Variants in ANK1 observed in about 807,000 individuals in gnomAD.
ANK1 encodes the protein ankyrin 1.
A neutral mutation model predicts 210.4 loss-of-function variants in ANK1; 51 were observed. The ratio of observed to expected loss-of-function variants is 0.24; its 90% CI spans 0.19 to 0.31. The LOEUF (loss-of-function observed/expected upper bound fraction) is 0.31, where lower values mean the gene tolerates loss of function less well. Among genes scored for constraint, ANK1 ranks in the 10% least tolerant of loss-of-function variants. The probability of loss-of-function intolerance (pLI) is 1.00; values close to 1 mark genes in which losing one functional copy is unlikely to be tolerated. For synonymous variants in ANK1, 967 were observed against 1,025.9 expected (o/e 0.94, Z 1.10); for missense variants, 2,051 against 2,504.4 (o/e 0.82, Z 3.86).
chr8:41,835,029 A>G (rs1447331725), intron 1 of ANK1, among the ~76,000 whole-genome samples: 1 of 152,262 alleles, frequency 6.6e-6, no homozygotes, highest in African/African-American at 2.4e-5. Context: ...AGGCTTCCCT[A>G]CAACTCACTG....
intron 1 of ANK1, among the ~76,000 whole-genome samples, chr8:41,803,981 AT>A (rs1271475058): frequency 6.6e-6 from 1 of 152,148 alleles, no homozygotes; most frequent in African/African-American, 2.4e-5. Context: ...GGTTATTTTA[AT>A]TTGCTACTGC....
rs139999555 is a variant in ANK1 at position 41,804,646 on chromosome 8, A to G, written c.127-46509T>C. ...GGTAACTATGGGAGGGAGATTACTG[A>G]TTTACTTTATTTCATGTTAAATGTT... On this transcript the variant is annotated intron_variant, in intron 1 of 42. Transcript: ENST00000265709. Among the ~76,000 whole-genome samples the G allele has an allele frequency of 2.6e-3, 396 of 152,210 alleles. 2 individuals are homozygous for G. The highest frequency in any genetic ancestry group is 9.0e-3 in the African/African-American group (376 of 41,550).
intron 26 of ANK1, 127 bp downstream of exon 26, chr8:41,696,236 T>C (rs1820895831): frequency 9.5e-7 from 1 of 1,049,968 alleles, no homozygotes; most frequent in Middle Eastern, 2.9e-4. Flanking sequence ...GACACCTTCG[T>C]GTGTCAGGAA....
Position 41,762,520 on chromosome 8 carries a change from C to T in ANK1, c.28-4383G>A, listed in dbSNP as rs553208116. ...CCAAAGCATTAAGTGTCTGCTAGGG[C>T]GAGGCCTCCCTTGACCTAAAGCACA... On this transcript the variant is annotated intron_variant, in intron 1 of 42. Coordinates refer to ENST00000289734, the MANE Select transcript of ANK1 (RefSeq NM_000037.4). Among the ~76,000 whole-genome samples the T allele has an allele frequency of 1.3e-4, 20 of 152,224 alleles. No individual in the cohort carries two copies. In the South Asian group the frequency reaches 4.1e-3, roughly 32 times the overall value.
intron 1 of ANK1, among the ~76,000 whole-genome samples, chr8:41,857,882 C>T (rs533536819): frequency 6.0e-5 from 9 of 150,172 alleles, no homozygotes; most frequent in East Asian, 4.0e-4. Context: ...CCAGCCTGGG[C>T]GACAGAGTGA....
chr8:41,736,852 A>G (rs1416844875), intron 2 of ANK1, among the ~76,000 whole-genome samples: 1 of 152,122 alleles, frequency 6.6e-6, no homozygotes. Context: ...AGGTCCCTGA[A>G]CTCCACCCTT....
At chr8:41,867,610 G>A (rs945341486) in intron 1 of ANK1, among the ~76,000 whole-genome samples, 4 of 151,934 alleles carry the variant, frequency 2.6e-5, no homozygotes, top group Middle Eastern at 3.4e-3. Context: ...CCTTCCACCC[G>A]GCAGCACCCA....
chr8:41,890,374 A>C (rs1819179708), intron 1 of ANK1, among the ~76,000 whole-genome samples: 1 of 152,236 alleles, frequency 6.6e-6, no homozygotes, highest in African/African-American at 2.4e-5. Context: ...AAATGGAGAT[A>C]GAGAGCCAGG....
chr8:41,755,484 C>T (rs1042519091), intron 2 of ANK1, among the ~76,000 whole-genome samples: 4 of 152,206 alleles, frequency 2.6e-5, no homozygotes, highest in South Asian at 2.1e-4. Flanking sequence ...AACTGCACTG[C>T]GGAGAAACAC....
chr8:41,758,197 G>T, intron 1 of ANK1, 60 bp from the exon 2 acceptor site: 3 of 1,478,276 alleles, frequency 2.0e-6, no homozygotes, highest in Non-Finnish European at 2.8e-6. Flanking sequence ...TCTCCACCCC[G>T]TTCAAGTCCC....
At chr8:41,701,528 G>A (rs894346799) in intron 22 of ANK1, 22 bp downstream of exon 22, 5 of 1,613,066 alleles carry the variant, frequency 3.1e-6, no homozygotes, top group Non-Finnish European at 4.2e-6. Flanking sequence ...CCACCAGCCT[G>A]AGCTCTTTAC....
intron 14 of ANK1, 145 bp downstream of exon 14, chr8:41,715,507 G>A: frequency 1.9e-6 from 2 of 1,051,086 alleles, no homozygotes; most frequent in Admixed American, 4.0e-5. Flanking sequence ...TGCAGGTGGT[G>A]GCCAGCCCTG....
Position 41,878,305 on chromosome 8 carries a change from C to T in ANK1, c.126+18050G>A, listed in dbSNP as rs189310692. On this transcript the variant is annotated intron_variant, in intron 1 of 42. Coordinates refer to the ANK1 transcript ENST00000265709. ...CCACCCTGGGCAGGGGACGATCACA[C>T]CCCTACATCTTCAAGCTCACCTCTG... 6.4e-4 allele frequency among the ~76,000 whole-genome samples: 97 copies of T among 152,272 alleles called. 1 individual carries two copies. The highest frequency in any genetic ancestry group is 2.3e-3 in the African/African-American group (97 of 41,546).
chr8:41,704,346 A>G lies in ANK1; in HGVS notation c.2196+28T>C. The G allele has an allele frequency of 1.3e-6, 2 of 1,598,686 alleles. No homozygotes were observed. Among genetic ancestry groups the G allele is most frequent in the African/African-American group, 1.3e-5 (1 of 74,640 alleles). Reference sequence around the variant, plus strand: ...ATGTGGCATGGAGAAGGGTCAGTGCAGGAGTCGGGGCTGGGGCACCCCTGT... The same window carrying G: ...ATGTGGCATGGAGAAGGGTCAGTGCGGGAGTCGGGGCTGGGGCACCCCTGT... On this transcript the variant is annotated intron_variant, in intron 19 of 42. Coordinates refer to ENST00000289734, the MANE Select transcript of ANK1 (RefSeq NM_000037.4). This position sits in a 1 kb window ranked among gnomAD's most constrained non-coding sequence, Gnocchi z 4.1.
At chr8:41,755,684 C>T (rs13273072) in intron 2 of ANK1, among the ~76,000 whole-genome samples, 15,692 of 152,224 alleles carry the variant, frequency 0.1, 925 homozygotes, top group South Asian at 0.15. Context: ...GACCCTGTCT[C>T]CTGAACAACT....
At position 41,768,963 on chromosome 8, in the gene ANK1, C is replaced by A. The variant is rs140965709; in HGVS notation, c.28-10826G>T. 3.3e-5 allele frequency among the ~76,000 whole-genome samples: 5 copies of A among 152,146 alleles called. No homozygotes were observed. In the East Asian group the frequency reaches 7.7e-4, roughly 23 times the overall value. On this transcript the variant is annotated intron_variant, in intron 1 of 42. Coordinates refer to ENST00000289734, the MANE Select transcript of ANK1 (RefSeq NM_000037.4). ...TCCAGCCCAGGTGACAAGAGTGAGA[C>A]CCTGTCTCTAAAAAAATAAAAATTA...
At chr8:41,843,392 AT>A (rs762955041) in intron 1 of ANK1, among the ~76,000 whole-genome samples, 25 of 150,638 alleles carry the variant, frequency 1.7e-4, no homozygotes, top group African/African-American at 5.9e-4. Context: ...ACTTCTCTTC[AT>A]TTCCCCCCCA....
intron 9 of ANK1, among the ~76,000 whole-genome samples, chr8:41,721,335 G>T (rs1393529012): frequency 6.6e-6 from 1 of 152,064 alleles, no homozygotes; most frequent in Non-Finnish European, 1.5e-5. Flanking sequence ...GGAGAGACCT[G>T]GAAAAGATGT....
chr8:41,662,471 G>A (rs552142081), intron 40 of ANK1, among the ~76,000 whole-genome samples: 69 of 152,344 alleles, frequency 4.5e-4, no homozygotes, highest in Admixed American at 7.2e-4. Flanking sequence ...CATGACCAAG[G>A]TGTGACTGGG....
Sources: allele counts gnomAD v4.1 joint callset (sites outside exome capture counted in the v4.1 genomes callset), GRCh38; gene constraint gnomAD v4.1.1; non-coding constraint Gnocchi (gnomAD v3.1); transcripts MANE v1.5; gene names NCBI Gene and HGNC (gene_info 2026-07-23, HGNC 2026-07-21).